Variants in CST7 observed in about 807,000 individuals in gnomAD.
CST7 encodes cystatin F.
Under a neutral mutation model 13.1 loss-of-function variants are expected in CST7, and 15 were observed. That is an observed-to-expected ratio of 1.14 (90% CI 0.77 to 1.76). The LOEUF (loss-of-function observed/expected upper bound fraction) is 1.76, where lower values mean the gene tolerates loss of function less well. Ranked by LOEUF, CST7 falls within the 40% of genes most tolerant of loss-of-function variation. The probability of loss-of-function intolerance (pLI) is 0.00; values close to 1 mark genes in which losing one functional copy is unlikely to be tolerated. For missense variants in CST7, 193 were observed against 178.8 expected, an observed-to-expected ratio of 1.08 and a Z score of -0.45; for synonymous variants, 75 against 66.9, an observed-to-expected ratio of 1.12 and a Z score of -0.59.
intron 2 of CST7, among the ~76,000 whole-genome samples, chr20:24,958,017 C>T (rs2087870726): frequency 6.6e-6 from 1 of 152,140 alleles, no homozygotes; most frequent in Non-Finnish European, 1.5e-5. Context: ...CTGAGAACAC[C>T]CACTTGCTAA....
chr20:24,949,367 T>C lies in CST7; in HGVS notation c.-139T>C. The C allele has an allele frequency of 6.4e-7, 1 of 1,569,690 alleles. No individual in the cohort carries two copies. Among genetic ancestry groups the C allele is most frequent in the Non-Finnish European group, 8.6e-7 (1 of 1,156,458 alleles). On this transcript the variant is annotated 5_prime_UTR_variant, in exon 1 of 4. Transcript: ENST00000480798. ...AAGGATTGGCACGGGCACAGACCAC[T>C]GCCCCCACCTGCCCTGCGCCATCTA...
At chr20:24,952,487 C>T (rs556508439) in intron 1 of CST7, among the ~76,000 whole-genome samples, 1 of 152,260 alleles carries the variant, frequency 6.6e-6, no homozygotes, top group African/African-American at 2.4e-5. Context: ...CAGGTGTGGC[C>T]CCAAGGACCC....
chr20:24,949,418 A>G lies in CST7; in HGVS notation c.-88A>G. ...CCCAAGAAGGCTCGGCACGGGCACCAACCACTGCCTCCAACTGCCCCATGC... is the reference window on the plus strand; with the variant it reads ...CCCAAGAAGGCTCGGCACGGGCACCGACCACTGCCTCCAACTGCCCCATGC... On this transcript the variant is annotated 5_prime_UTR_variant, in exon 1 of 4. Transcript: ENST00000480798. 1.2e-6 allele frequency: 2 copies of G among 1,609,734 alleles called. No individual in the cohort carries two copies. Among genetic ancestry groups the G allele is most frequent in the Non-Finnish European group, 1.7e-6 (2 of 1,177,426 alleles).
intron 1 of CST7, among the ~76,000 whole-genome samples, chr20:24,956,432 C>G (rs144288079): frequency 6.6e-6 from 1 of 152,202 alleles, no homozygotes; most frequent in Non-Finnish European, 1.5e-5. Context: ...GGCACAAAGA[C>G]GCACGTCCTG....
Position 24,958,955 on chromosome 20 carries a change from G to A in CST7, c.271G>A (p.Glu91Lys), listed in dbSNP as rs138250783. The change falls in exon 3 of 4, where the codon GAG becomes AAG. Residue 91 changes from glutamate (E) to lysine (K), a missense_variant. Transcript: ENST00000480798. ...QIVKGLKYML[E>K]VEIGRTTCKK... is the part of the protein sequence containing the mutation. Reference sequence around the variant, plus strand: ...AGTGAAAGGCCTGAAATATATGCTGGAGGTGGAAATTGGCAGAACTACCTG... The same window carrying A: ...AGTGAAAGGCCTGAAATATATGCTGAAGGTGGAAATTGGCAGAACTACCTG... 1.7e-5 allele frequency: 28 copies of A among 1,613,866 alleles called. No individual in the cohort carries two copies. In the Middle Eastern group the frequency reaches 1.2e-3, roughly 66 times the overall value.
chr20:24,955,718 G>C (rs1171824628), intron 1 of CST7, among the ~76,000 whole-genome samples: 1 of 152,164 alleles, frequency 6.6e-6, no homozygotes, highest in Admixed American at 6.5e-5. Flanking sequence ...CAAAGTGCTG[G>C]GATTACAGAC....
At chr20:24,951,562 C>G (rs1030094898) in intron 1 of CST7, among the ~76,000 whole-genome samples, 1 of 152,176 alleles carries the variant, frequency 6.6e-6, no homozygotes, top group African/African-American at 2.4e-5. Context: ...TGCGTCCTGC[C>G]CCCACTCCAC....
chr20:24,954,266 C>T (rs1568805084), intron 1 of CST7, among the ~76,000 whole-genome samples: 1 of 152,232 alleles, frequency 6.6e-6, no homozygotes, highest in Non-Finnish European at 1.5e-5. Context: ...AATGGGCACA[C>T]ATGAGAAGAA....
chr20:24,958,514 C>CACT (rs2087873478), intron 2 of CST7, among the ~76,000 whole-genome samples: 2 of 152,344 alleles, frequency 1.3e-5, no homozygotes, highest in African/African-American at 4.8e-5. Context: ...TGGAGAAGGG[C>CACT]TGTCCAGAAA....
At position 24,957,770 on chromosome 20, in the gene CST7, A is replaced by T. The variant is rs148048291; in HGVS notation, c.243+311A>T. Among the ~76,000 whole-genome samples the T allele has an allele frequency of 8.9e-4, 136 of 152,286 alleles. 5 individuals are homozygous for T. The East Asian group carries it at 0.025, about 28-fold the overall frequency. Reference sequence around the variant, plus strand: ...AATGGGGCTCCTGAGGCAGGCGCCAAGGCTGATGGGGGAGAAAGCCGCTGT... The same window carrying T: ...AATGGGGCTCCTGAGGCAGGCGCCATGGCTGATGGGGGAGAAAGCCGCTGT... On this transcript the variant is annotated intron_variant, in intron 2 of 3. Coordinates refer to ENST00000480798, the MANE Select transcript of CST7 (RefSeq NM_003650.4).
chr20:24,957,445 A>G lies in CST7; in HGVS notation c.229A>G (p.Arg77Gly), dbSNP rs765223402. ...MFLFKESRIT[R>G]ALVQIVKGLK... ...CTTGTTCAAGGAGTCCCGCATCACA[A>G]GGGCCCTAGTTCAGGTAACGGTCTG... The change falls in exon 2 of 4, where the codon AGG becomes GGG. Residue 77 changes from arginine to glycine, a missense_variant. By Grantham distance (125) the Arg-to-Gly change is moderately radical (BLOSUM62 -2). Coordinates refer to ENST00000480798, the MANE Select transcript of CST7 (RefSeq NM_003650.4). 6.2e-7 allele frequency: 1 copy of G among 1,613,520 alleles called. No individual in the cohort carries two copies. The highest frequency in any genetic ancestry group is 1.7e-5 in the Admixed American group (1 of 59,966).
chr20:24,956,831 C>T lies in CST7; in HGVS notation c.71-456C>T, dbSNP rs34805350. On this transcript the variant is annotated intron_variant, in intron 1 of 3. Transcript: ENST00000480798. ...TTCCCTACATCCTAAGGCTACATCC[C>T]GTACTGAGGATCTCACCTGTGGGAC... Among the ~76,000 whole-genome samples the T allele has an allele frequency of 6.2e-3, 945 of 151,934 alleles. 15 individuals carry two copies. The highest frequency in any genetic ancestry group is 0.022 in the African/African-American group (900 of 41,420).
Position 24,949,515 on chromosome 20 carries a change from G to A in CST7, c.10G>A (p.Ala4Thr). The change falls in exon 1 of 4, where the codon GCT (alanine) becomes ACT (threonine). Residue 4 changes from alanine (A) to threonine (T), a missense_variant. Coordinates refer to ENST00000480798, the MANE Select transcript of CST7 (RefSeq NM_003650.4). MRA[A>T]GTLLAFCCLV... ...CCCTACCCGGGCAGCCATGCGAGCG[G>A]CTGGAACTCTGCTGGCCTTCTGCTG... 1 of 1,614,126 alleles carries A rather than the reference G, an allele frequency of 6.2e-7. No individual in the cohort carries two copies.
Position 24,949,278 on chromosome 20 carries a change from T to A in CST7, c.-228T>A. On this transcript the variant is annotated 5_prime_UTR_variant, in exon 1 of 4. The change abolishes an upstream ATG in the 5' untranslated region. Transcript: ENST00000480798. ...TGGGCTGGGACAGCCCACTGTTCCA[T>A]GCTGCCCAAGAAGGCTCAGCACAGG... 1.5e-6 allele frequency: 2 copies of A among 1,345,136 alleles called. No homozygotes were observed. Among genetic ancestry groups the A allele is most frequent in the Non-Finnish European group, 2.0e-6 (2 of 1,005,580 alleles). 83.3% of individuals were successfully genotyped at this position (1,345,136 alleles called of 1,614,324 possible).
chr20:24,952,481 T>G (rs774024789), intron 1 of CST7, among the ~76,000 whole-genome samples: 1 of 152,128 alleles, frequency 6.6e-6, no homozygotes, highest in Non-Finnish European at 1.5e-5. Context: ...AGCGGGCAGG[T>G]GTGGCCCCAA....
intron 3 of CST7, among the ~76,000 whole-genome samples, 195 bp from the exon 4 acceptor site, chr20:24,959,440 G>A (rs1022502202): frequency 3.9e-5 from 6 of 152,150 alleles, no homozygotes; most frequent in African/African-American, 1.4e-4. Context: ...CGGGAACACA[G>A]CAACATTTAG....
intron 3 of CST7, 103 bp from the exon 4 acceptor site, chr20:24,959,532 T>C (rs1390734832): frequency 4.8e-6 from 5 of 1,047,498 alleles, no homozygotes; most frequent in East Asian, 2.4e-5. Flanking sequence ...AAATGAAAAA[T>C]AGGGGCAGGA....
At chr20:24,950,009 T>A (rs1377979465) in intron 1 of CST7, among the ~76,000 whole-genome samples, 1 of 152,090 alleles carries the variant, frequency 6.6e-6, no homozygotes. Context: ...ACCCTAACGA[T>A]CAGACTCTTT....
At chr20:24,959,270 G>C (rs2087880154) in intron 3 of CST7, among the ~76,000 whole-genome samples, 1 of 152,216 alleles carries the variant, frequency 6.6e-6, no homozygotes, top group Admixed American at 6.5e-5. Context: ...CAGAGGCGGA[G>C]ACACAGCTCT....
Sources: gnomAD v4.1 joint callset for allele counts (sites outside exome capture counted in the v4.1 genomes callset) on GRCh38, gnomAD v4.1.1 for gene constraint, MANE v1.5 for transcripts, NCBI Gene and HGNC (gene_info 2026-07-23, HGNC 2026-07-21) for gene names.